The following RAD54B variants were observed in gnomAD, a reference collection of about 807,000 sequenced individuals.
The protein encoded by RAD54B is RAD54 homolog B, also known as DNA repair and recombination protein RAD54B.
RAD54B carries 78 observed loss-of-function variants against 95.8 expected under a neutral mutation model. That is an observed-to-expected ratio of 0.81 (90% CI 0.68 to 0.98). The LOEUF is 0.98. Ranked by LOEUF, RAD54B falls within the 50% of genes least tolerant of loss-of-function variation. RAD54B has a pLI of 0.00. For synonymous variants in RAD54B, 328 were observed against 354.9 expected, an observed-to-expected ratio of 0.92 and a Z score of 0.85; for missense variants, 957 against 1,056.6, an observed-to-expected ratio of 0.91 and a Z score of 1.31.
At chr8:94,373,287 T>A (rs1164591525) in intron 14 of RAD54B, among the ~76,000 whole-genome samples, 3 of 152,200 alleles carry the variant, frequency 2.0e-5, no homozygotes, top group Non-Finnish European at 4.4e-5. Context: ...AAGGGCTGGA[T>A]TATGCAAAAC....
At chr8:94,381,632 T>C (rs145094297) in intron 11 of RAD54B, among the ~76,000 whole-genome samples, 2 of 152,084 alleles carry the variant, frequency 1.3e-5, no homozygotes, top group Non-Finnish European at 2.9e-5. Flanking sequence ...TAGAAAAATA[T>C]CTTAGAAATG....
At chr8:94,429,731 A>T in intron 3 of RAD54B, 1 of 983,424 alleles carries the variant, frequency 1.0e-6, no homozygotes, top group Non-Finnish European at 1.2e-6. Context: ...GGATATATCA[A>T]GTTATATATT....
At chr8:94,398,204 A>G (rs1289998040) in intron 8 of RAD54B, among the ~76,000 whole-genome samples, 1 of 152,108 alleles carries the variant, frequency 6.6e-6, no homozygotes, top group African/African-American at 2.4e-5. Context: ...TTTTGTCTTT[A>G]TCATCGTGAT....
chr8:94,398,643 G>A (rs1345922357), intron 8 of RAD54B, among the ~76,000 whole-genome samples: 2 of 151,966 alleles, frequency 1.3e-5, no homozygotes, highest in African/African-American at 4.8e-5. Context: ...AGAAAATAGG[G>A]GAATTGTAAA....
At chr8:94,427,050 T>G (rs182542708) in intron 3 of RAD54B, among the ~76,000 whole-genome samples, 3 of 152,180 alleles carry the variant, frequency 2.0e-5, no homozygotes, top group African/African-American at 7.2e-5. Context: ...ATATGGATAC[T>G]TACTATAACT....
At chr8:94,427,670 C>G in intron 3 of RAD54B, 1 of 971,228 alleles carries the variant, frequency 1.0e-6, no homozygotes, top group Non-Finnish European at 1.2e-6. Context: ...CTCTACAGTA[C>G]TGAATTATTT....
In RAD54B at chr8:94,423,338, C is replaced by T. The variant is rs187037588; in HGVS notation, c.305-12023G>A. 3.9e-5 allele frequency among the ~76,000 whole-genome samples: 6 copies of T among 152,200 alleles called. No individual in the cohort carries two copies. In the South Asian group the frequency reaches 8.3e-4, roughly 21 times the overall value. ...GCGGAGTTGCAGTGAGCCAAGATCG[C>T]GCCACTGCACTCCAGACCAGGCAAC... On this transcript the variant is annotated intron_variant, in intron 3 of 14. Transcript: ENST00000336148.
chr8:94,422,207 T>C (rs957360983), intron 3 of RAD54B, among the ~76,000 whole-genome samples: 1 of 152,150 alleles, frequency 6.6e-6, no homozygotes, highest in Non-Finnish European at 1.5e-5. Flanking sequence ...TTCATCACCA[T>C]ACTCACAGAA....
intron 3 of RAD54B, chr8:94,436,446 T>C (rs1265750668): frequency 9.5e-6 from 14 of 1,479,254 alleles, no homozygotes; most frequent in Admixed American, 2.5e-5. Flanking sequence ...CAAAGCCCAA[T>C]AGATAGGAGG....
intron 3 of RAD54B, among the ~76,000 whole-genome samples, chr8:94,416,530 A>G (rs1377261365): frequency 6.6e-6 from 1 of 151,752 alleles, no homozygotes; most frequent in Non-Finnish European, 1.5e-5. Flanking sequence ...AATAAAAAAA[A>G]AGAAAAAAAA....
chr8:94,467,689 G>T, intron 1 of RAD54B, 134 bp from the exon 2 acceptor site: 1 of 830,442 alleles, frequency 1.2e-6, no homozygotes, highest in Admixed American at 3.0e-5. Flanking sequence ...CCCAAGCATA[G>T]AAACAAAAGG....
At chr8:94,461,608 G>A (rs1422048174) in intron 2 of RAD54B, among the ~76,000 whole-genome samples, 1 of 151,022 alleles carries the variant, frequency 6.6e-6, no homozygotes, top group Non-Finnish European at 1.5e-5. Context: ...TTTCTTTTTT[G>A]CAACATTTTA....
chr8:94,412,154 T>C (rs1811544931), intron 3 of RAD54B, among the ~76,000 whole-genome samples: 1 of 152,200 alleles, frequency 6.6e-6, no homozygotes, highest in Non-Finnish European at 1.5e-5. Context: ...CTTATTTCAC[T>C]GAGCATAATG....
intron 3 of RAD54B, chr8:94,428,180 A>C: frequency 1.2e-6 from 1 of 840,126 alleles, no homozygotes; most frequent in Non-Finnish European, 1.4e-6. Flanking sequence ...TGGATGAAAT[A>C]ATCTATATAC....
chr8:94,377,398 T>C (rs1442113718), intron 14 of RAD54B, among the ~76,000 whole-genome samples: 1 of 151,376 alleles, frequency 6.6e-6, no homozygotes, highest in Non-Finnish European at 1.5e-5. Context: ...TAGCCAGGTG[T>C]GGTGGTGCAC....
At chr8:94,378,777 G>C in intron 12 of RAD54B, 143 bp from the exon 13 acceptor site, 3 of 607,960 alleles carry the variant, frequency 4.9e-6, no homozygotes, top group Admixed American at 3.3e-5. Flanking sequence ...GGTGTGTGAA[G>C]CATGCCCTAC....
intron 5 of RAD54B, 107 bp from the exon 6 acceptor site, chr8:94,404,346 C>G: frequency 9.5e-7 from 1 of 1,055,626 alleles, no homozygotes; most frequent in Non-Finnish European, 1.3e-6. Context: ...CATTTGTGGC[C>G]AAAAAAGTCC....
intron 1 of RAD54B, among the ~76,000 whole-genome samples, chr8:94,468,300 C>T (rs1485497016): frequency 6.6e-6 from 1 of 152,070 alleles, no homozygotes; most frequent in Non-Finnish European, 1.5e-5. Context: ...CGCTTGGCAC[C>T]CTGCAATAAA....
chr8:94,471,483 A>G (rs938096363), intron 1 of RAD54B, among the ~76,000 whole-genome samples: 3 of 152,204 alleles, frequency 2.0e-5, no homozygotes, highest in African/African-American at 7.2e-5. Context: ...TAATCTATAT[A>G]AGATTGTAGT....
Sources: allele counts gnomAD v4.1 joint callset (sites outside exome capture counted in the v4.1 genomes callset), GRCh38; gene constraint gnomAD v4.1.1; transcripts MANE v1.5; gene names NCBI Gene and HGNC (gene_info 2026-07-23, HGNC 2026-07-21).